The following ADD3 variants were observed in gnomAD, a reference collection of about 807,000 sequenced individuals.
The protein encoded by ADD3 is gamma-adducin.
Under a neutral mutation model 80.2 loss-of-function variants are expected in ADD3, and 25 were observed. The observed-to-expected ratio is 0.31, with a 90% CI of 0.23 to 0.44. ADD3 has a LOEUF of 0.44. ADD3 is among the 20% of genes least tolerant of loss of function. The pLI is 1.00. For missense variants in ADD3, 829 were observed against 847.5 expected (o/e 0.98, Z 0.27); for synonymous variants, 284 against 289.6 (o/e 0.98, Z 0.20).
At chr10:110,057,017 A>C (rs1858279412) in intron 1 of ADD3, among the ~76,000 whole-genome samples, 1 of 152,298 alleles carries the variant, frequency 6.6e-6, no homozygotes, top group East Asian at 1.9e-4. Context: ...TCAGTGATAC[A>C]GGGAAACTCT....
intron 10 of ADD3, 26 bp from the exon 11 acceptor site, chr10:110,125,800 A>AT (rs1295894395): frequency 6.5e-7 from 1 of 1,548,310 alleles, no homozygotes. Flanking sequence ...ACAAAGCTTC[A>AT]TTTTAGAAAA....
intron 1 of ADD3, among the ~76,000 whole-genome samples, chr10:110,021,216 C>T (rs1223971053): frequency 3.3e-5 from 5 of 152,186 alleles, no homozygotes; most frequent in Non-Finnish European, 7.4e-5. Flanking sequence ...AAACCATTTT[C>T]TCTAGGGATT....
rs759997164 is a variant in ADD3, at chr10:110,124,240, G to C, written c.1367G>C (p.Arg456Pro). The C allele has an allele frequency of 1.2e-6, 2 of 1,614,094 alleles. No individual in the cohort carries two copies. Among genetic ancestry groups the C allele is most frequent in the Non-Finnish European group, 1.7e-6 (2 of 1,179,988 alleles). ...AAAGTGAATGTGCCTGAGGAGTCTC[G>C]GAACGGAGAAACCAGTCCCCGAACC... ...YMKVNVPEES[R>P]NGETSPRTKI... is the part of the protein sequence containing the mutation. The change falls in exon 10 of 15, where the codon CGG becomes CCG. Residue 456 changes from arginine to proline, a missense_variant. Coordinates refer to ENST00000356080, the MANE Select transcript of ADD3 (RefSeq NM_016824.5).
intron 1 of ADD3, among the ~76,000 whole-genome samples, chr10:110,061,380 T>C (rs931079147): frequency 3.9e-5 from 6 of 152,228 alleles, no homozygotes; most frequent in African/African-American, 1.2e-4. Context: ...TGGTGGTTTC[T>C]GTGTATGTCC....
chr10:110,113,090 C>T (rs1431978418), intron 3 of ADD3, among the ~76,000 whole-genome samples, 175 bp downstream of exon 3: 1 of 152,110 alleles, frequency 6.6e-6, no homozygotes, highest in Non-Finnish European at 1.5e-5. Flanking sequence ...GCATTTACTA[C>T]ACTTTGTACA....
Position 110,119,197 on chromosome 10 carries a change from G to T in ADD3, c.718-14G>T, listed in dbSNP as rs1424116571. On this transcript the variant is annotated splice_polypyrimidine_tract_variant and intron_variant, in intron 6 of 14. Coordinates refer to ENST00000356080, the MANE Select transcript of ADD3 (RefSeq NM_016824.5). ...AACCAAATGTGTTATCTTGGTATGG[G>T]CCAAACCAAATAGGTATCCTCCATG... 8 of 1,613,568 alleles carry T rather than the reference G, an allele frequency of 5.0e-6. No homozygotes were observed. The African/African-American group carries it at 9.3e-5, about 19-fold the overall frequency.
chr10:110,092,613 A>G (rs1006050944), intron 1 of ADD3, among the ~76,000 whole-genome samples: 1 of 152,166 alleles, frequency 6.6e-6, no homozygotes, highest in Non-Finnish European at 1.5e-5. Flanking sequence ...ACTGCCTATC[A>G]GGTCCTCTGC....
intron 1 of ADD3, among the ~76,000 whole-genome samples, chr10:110,010,461 T>G (rs1005410883): frequency 6.6e-6 from 1 of 152,228 alleles, no homozygotes; most frequent in Non-Finnish European, 1.5e-5. Flanking sequence ...ACATCAGAAC[T>G]TTAGCTTAAC....
chr10:110,103,368 G>T (rs148579846), intron 2 of ADD3, among the ~76,000 whole-genome samples: 65 of 152,320 alleles, frequency 4.3e-4, no homozygotes, highest in Non-Finnish European at 7.9e-4. Flanking sequence ...TGATGAAGTT[G>T]CAGTCAATAT....
chr10:110,003,833 T>C (rs1417156347), upstream of ADD3, among the ~76,000 whole-genome samples: 1 of 152,224 alleles, frequency 6.6e-6, no homozygotes, highest in South Asian at 2.1e-4. Context: ...TTGTTTCTTT[T>C]AGATCATGAC....
chr10:110,076,680 T>C (rs1845408375), intron 1 of ADD3, among the ~76,000 whole-genome samples: 4 of 152,246 alleles, frequency 2.6e-5, no homozygotes. Flanking sequence ...AAGCTGCTGT[T>C]GCTAAACTTA....
chr10:110,001,338 C>A (rs954567683), upstream of ADD3, among the ~76,000 whole-genome samples: 10 of 151,678 alleles, frequency 6.6e-5, no homozygotes, highest in African/African-American at 2.4e-4. Context: ...TCGCTTGAGC[C>A]CGGAAGATTG....
chr10:110,009,742 G>T (rs918412899), intron 1 of ADD3, among the ~76,000 whole-genome samples: 4 of 152,194 alleles, frequency 2.6e-5, no homozygotes, highest in Non-Finnish European at 2.9e-5. Flanking sequence ...TTCAGTCTGT[G>T]ATAACACTTA....
At chr10:110,006,590 C>G (rs1851652337), upstream of ADD3, among the ~76,000 whole-genome samples, 1 of 152,076 alleles carries the variant, frequency 6.6e-6, no homozygotes, top group South Asian at 2.1e-4. Flanking sequence ...ATTTTTTGAG[C>G]AAATGGGAGA....
chr10:110,076,890 T>C (rs184231307), intron 1 of ADD3: 2 of 152,316 alleles, frequency 1.3e-5, no homozygotes, highest in Admixed American at 6.5e-5. Flanking sequence ...AATGAATTAA[T>C]TGTGACTCCA....
chr10:110,089,662 T>C (rs1847227056), intron 1 of ADD3, among the ~76,000 whole-genome samples: 1 of 151,968 alleles, frequency 6.6e-6, no homozygotes, highest in Non-Finnish European at 1.5e-5. Flanking sequence ...GTTGATTGTT[T>C]TACTCATTTC....
chr10:110,089,875 C>G (rs932887737), intron 1 of ADD3, among the ~76,000 whole-genome samples: 1 of 152,106 alleles, frequency 6.6e-6, no homozygotes, highest in Admixed American at 6.6e-5. Context: ...TACATGTTTT[C>G]AACTTTGTAA....
chr10:110,021,526 A>G (rs1162869913), intron 1 of ADD3, among the ~76,000 whole-genome samples: 2 of 152,252 alleles, frequency 1.3e-5, no homozygotes, highest in Non-Finnish European at 2.9e-5. Context: ...GATATTATGC[A>G]GTCATAAAAA....
chr10:110,060,407 C>T (rs762023792), intron 1 of ADD3, among the ~76,000 whole-genome samples: 4 of 152,084 alleles, frequency 2.6e-5, no homozygotes, highest in African/African-American at 4.8e-5. Context: ...AGGAAAACCC[C>T]CCCTCTGAAT....
Sources: gnomAD v4.1 joint callset for allele counts (sites outside exome capture counted in the v4.1 genomes callset) on GRCh38, gnomAD v4.1.1 for gene constraint, MANE v1.5 for transcripts, NCBI Gene and HGNC (gene_info 2026-07-23, HGNC 2026-07-21) for gene names.